ST7L: variants seen among roughly 807,000 people sequenced by gnomAD.
The protein encoded by ST7L is suppressor of tumorigenicity 7 protein-like.
A neutral mutation model predicts 72.5 loss-of-function variants in ST7L; 57 were observed. The ratio of observed to expected loss-of-function variants is 0.79; its 90% CI spans 0.64 to 0.98. ST7L has a LOEUF of 0.98. ST7L is among the 50% of genes least tolerant of loss of function. The pLI is 0.00. For synonymous variants in ST7L, 221 were observed against 240.9 expected, an observed-to-expected ratio of 0.92 and a Z score of 0.77; for missense variants, 576 against 672.2, an observed-to-expected ratio of 0.86 and a Z score of 1.58.
At chr1:112,535,098 C>T (rs1447632550) in intron 14 of ST7L, among the ~76,000 whole-genome samples, 5 of 152,112 alleles carry the variant, frequency 3.3e-5, no homozygotes, top group Admixed American at 2.6e-4. Flanking sequence ...GTTGGCTGGG[C>T]GCAGTGGCTC....
chr1:112,595,487 C>G (rs1666350171), intron 5 of ST7L, among the ~76,000 whole-genome samples: 1 of 151,176 alleles, frequency 6.6e-6, no homozygotes, highest in Non-Finnish European at 1.5e-5. Flanking sequence ...GCAGTGCCAT[C>G]ATAGCTCACT....
intron 2 of ST7L, among the ~76,000 whole-genome samples, chr1:112,614,122 C>T (rs1570655946): frequency 1.3e-5 from 2 of 152,302 alleles, no homozygotes; most frequent in Non-Finnish European, 2.9e-5. Flanking sequence ...GTTTATGTAG[C>T]TTGCCCAAAA....
Position 112,550,585 on chromosome 1 carries a change from T to C in ST7L, c.1489+16A>G. On this transcript the variant is annotated intron_variant, in intron 13 of 14. Transcript: ENST00000358039. ...TTACTACTTTTAAGTTTAAGAAAAC[T>C]AAAATATTTACTTACTAGGTAATAG... The C allele has an allele frequency of 6.3e-7, 1 of 1,590,782 alleles. No homozygotes were observed. The highest frequency in any genetic ancestry group is 1.1e-5 in the South Asian group (1 of 89,650).
intron 13 of ST7L, among the ~76,000 whole-genome samples, chr1:112,549,166 G>A (rs1657671015): frequency 6.6e-6 from 1 of 152,156 alleles, no homozygotes; most frequent in Non-Finnish European, 1.5e-5. Flanking sequence ...GCTGAGGCAG[G>A]TGGATTGCTT....
rs1653294396 is a variant in ST7L at position 112,525,867 on chromosome 1, T to C, written c.*146A>G. ...GGGGTTTGCCTAGGAATAACAATAT[T>C]CATAAGAAGCTTTTTCATATGCAAA... On this transcript the variant is annotated 3_prime_UTR_variant, in exon 15 of 15. Coordinates refer to ENST00000358039, the MANE Select transcript of ST7L (RefSeq NM_017744.5). 1 of 1,134,662 alleles carries C rather than the reference T, an allele frequency of 8.8e-7. No individual in the cohort carries two copies. The highest frequency in any genetic ancestry group is 1.2e-6 in the Non-Finnish European group (1 of 833,238). 70.3% of individuals were successfully genotyped at this position (1,134,662 alleles called of 1,614,324 possible). A position where few individuals can be genotyped will look rare whatever the true frequency, so the allele number is the denominator to read the frequency against.
chr1:112,520,579 A>C, downstream of ST7L: 1 of 1,494,346 alleles, frequency 6.7e-7, no homozygotes, highest in Non-Finnish European at 9.2e-7. Context: ...CCTTGCATGC[A>C]CACCTTCCTC....
At chr1:112,556,564 T>C (rs2101609255) in intron 11 of ST7L, among the ~76,000 whole-genome samples, 1 of 152,262 alleles carries the variant, frequency 6.6e-6, no homozygotes, top group Admixed American at 6.5e-5. Flanking sequence ...ACTGTGGTTG[T>C]TAGGGAATAC....
At chr1:112,619,413 C>A (rs868704553), upstream of ST7L, 8 of 543,788 alleles carry the variant, frequency 1.5e-5, no homozygotes, top group Admixed American at 3.5e-5. Flanking sequence ...CACCGCCCCC[C>A]CCCCGGGGTT....
At chr1:112,560,112 G>T (rs935508177) in intron 11 of ST7L, among the ~76,000 whole-genome samples, 2 of 151,296 alleles carry the variant, frequency 1.3e-5, no homozygotes, top group African/African-American at 4.9e-5. Flanking sequence ...GCAATTTTTC[G>T]GGCCAGGCGC....
At chr1:112,613,570 G>A (rs992454741) in intron 2 of ST7L, among the ~76,000 whole-genome samples, 1 of 152,134 alleles carries the variant, frequency 6.6e-6, no homozygotes, top group Non-Finnish European at 1.5e-5. Context: ...GGTGGTAAAA[G>A]AAATTATAAA....
At chr1:112,555,419 G>A (rs1189616977) in intron 12 of ST7L, among the ~76,000 whole-genome samples, 1 of 152,060 alleles carries the variant, frequency 6.6e-6, no homozygotes, top group Non-Finnish European at 1.5e-5. Context: ...CAAAAAATTA[G>A]CCGGGCATGG....
At chr1:112,591,091 C>G (rs887872295) in intron 6 of ST7L, among the ~76,000 whole-genome samples, 2 of 152,024 alleles carry the variant, frequency 1.3e-5, no homozygotes, top group Non-Finnish European at 2.9e-5. Context: ...CCCCCATGCC[C>G]GGCTAATTTT....
chr1:112,534,442 A>G (rs186262113), intron 14 of ST7L, among the ~76,000 whole-genome samples: 24 of 152,304 alleles, frequency 1.6e-4, no homozygotes, highest in African/African-American at 5.5e-4. Flanking sequence ...CTATGTTCCA[A>G]TGGCTCCAGT....
intron 14 of ST7L, among the ~76,000 whole-genome samples, chr1:112,534,086 T>A (rs988854430): frequency 6.6e-6 from 1 of 152,204 alleles, no homozygotes; most frequent in African/African-American, 2.4e-5. Context: ...GCAGTAAACA[T>A]TTCTCCAACC....
chr1:112,557,342 A>G (rs749224354), intron 11 of ST7L, among the ~76,000 whole-genome samples: 2 of 152,230 alleles, frequency 1.3e-5, no homozygotes, highest in African/African-American at 2.4e-5. Flanking sequence ...AAATGGAATC[A>G]TTTTGTGACT....
intron 2 of ST7L, among the ~76,000 whole-genome samples, chr1:112,612,521 T>G (rs1477529392): frequency 6.6e-6 from 1 of 152,144 alleles, no homozygotes; most frequent in African/African-American, 2.4e-5. Flanking sequence ...AGAACAAATA[T>G]GCTACATAGG....
chr1:112,560,307 T>A (rs569018653), intron 11 of ST7L, among the ~76,000 whole-genome samples: 5 of 151,328 alleles, frequency 3.3e-5, no homozygotes, highest in Non-Finnish European at 3.0e-5. Flanking sequence ...GACAGGAGAA[T>A]GGCGTGAGCC....
chr1:112,604,669 T>C (rs190398263), intron 3 of ST7L, among the ~76,000 whole-genome samples: 72 of 150,916 alleles, frequency 4.8e-4, no homozygotes, highest in Non-Finnish European at 7.8e-4. Flanking sequence ...GGCATTCCTG[T>C]ACATGCCTGT....
intron 2 of ST7L, among the ~76,000 whole-genome samples, chr1:112,616,480 C>T (rs573483164): frequency 3.9e-4 from 60 of 152,240 alleles, no homozygotes; most frequent in Non-Finnish European, 3.1e-4. Flanking sequence ...CGGTGCCTCA[C>T]GCCTGTAATC....
Sources: allele counts gnomAD v4.1 joint callset (sites outside exome capture counted in the v4.1 genomes callset), GRCh38; gene constraint gnomAD v4.1.1; transcripts MANE v1.5; gene names NCBI Gene and HGNC (gene_info 2026-07-23, HGNC 2026-07-21).